CTNNA3: variants seen among roughly 807,000 people sequenced by gnomAD.
CTNNA3 encodes the protein catenin alpha-3.
CTNNA3 carries 76 observed loss-of-function variants against 95.7 expected under a neutral mutation model. That is an observed-to-expected ratio of 0.79 (90% CI 0.66 to 0.96). The LOEUF (loss-of-function observed/expected upper bound fraction) is 0.96. Among genes scored for constraint, CTNNA3 ranks in the 40% least tolerant of loss-of-function variants. CTNNA3 has a pLI of 0.00. For missense variants in CTNNA3, 1,191 were observed against 1,089.8 expected, an observed-to-expected ratio of 1.09 and a Z score of -1.31; for synonymous variants, 431 against 374.4, an observed-to-expected ratio of 1.15 and a Z score of -1.74.
intron 11 of CTNNA3, among the ~76,000 whole-genome samples, chr10:66,505,782 C>A (rs957153701): frequency 2.0e-5 from 3 of 152,090 alleles, no homozygotes; most frequent in Non-Finnish European, 4.4e-5. Context: ...GATTATTTAG[C>A]ACTACATCAC....
chr10:67,479,540 T>A (rs1466407956), intron 5 of CTNNA3, among the ~76,000 whole-genome samples: 2 of 152,034 alleles, frequency 1.3e-5, no homozygotes, highest in African/African-American at 2.4e-5. Flanking sequence ...AGTAAAAAAA[T>A]TATTTAATAA....
At chr10:66,477,382 A>G (rs2131891186) in intron 11 of CTNNA3, among the ~76,000 whole-genome samples, 1 of 152,214 alleles carries the variant, frequency 6.6e-6, no homozygotes, top group South Asian at 2.1e-4. Flanking sequence ...ATTGGACAGA[A>G]GGGGTTGTTT....
intron 3 of CTNNA3, among the ~76,000 whole-genome samples, chr10:67,552,984 G>GT (rs1564733867): frequency 2.6e-5 from 4 of 151,652 alleles, no homozygotes; most frequent in East Asian, 3.9e-4. Flanking sequence ...TTTTAACCCC[G>GT]TTTTTTTACC....
chr10:67,277,846 A>T (rs1399877076), intron 5 of CTNNA3, among the ~76,000 whole-genome samples: 1 of 152,194 alleles, frequency 6.6e-6, no homozygotes, highest in Non-Finnish European at 1.5e-5. Flanking sequence ...TGGTTTAAAA[A>T]GAGAAGGAAC....
chr10:67,172,014 T>G (rs1472783899), intron 7 of CTNNA3, among the ~76,000 whole-genome samples: 1 of 152,194 alleles, frequency 6.6e-6, no homozygotes, highest in Non-Finnish European at 1.5e-5. Flanking sequence ...CCTCTACTTT[T>G]CCTCCAAACT....
intron 9 of CTNNA3, among the ~76,000 whole-genome samples, chr10:66,745,002 G>A (rs1192496119): frequency 1.3e-5 from 2 of 152,148 alleles, no homozygotes; most frequent in Admixed American, 6.5e-5. Flanking sequence ...CTCTTTAAAA[G>A]CTAAGAGTCA....
intron 1 of CTNNA3, among the ~76,000 whole-genome samples, chr10:67,738,321 C>A (rs1841314666): frequency 6.6e-6 from 1 of 152,190 alleles, no homozygotes; most frequent in Admixed American, 6.5e-5. Flanking sequence ...TGGAGTGGGC[C>A]TCCAGCAAAC....
At chr10:66,710,124 T>C (rs544857792) in intron 9 of CTNNA3, among the ~76,000 whole-genome samples, 2 of 152,262 alleles carry the variant, frequency 1.3e-5, no homozygotes, top group African/African-American at 4.8e-5. Context: ...GATGTGAGAA[T>C]TGAGATCCAG....
chr10:66,650,725 GGCGGC>G (rs1845864619), intron 9 of CTNNA3, among the ~76,000 whole-genome samples: 2 of 152,032 alleles, frequency 1.3e-5, no homozygotes, highest in South Asian at 4.2e-4. Context: ...AGCTCTTAAA[GGCGGC>G]GCATCTGGAG....
At chr10:66,764,643 G>A (rs1018310678) in intron 9 of CTNNA3, among the ~76,000 whole-genome samples, 2 of 152,146 alleles carry the variant, frequency 1.3e-5, no homozygotes, top group African/African-American at 2.4e-5. Flanking sequence ...AATTTGGTGT[G>A]TCTTCAGCTT....
At chr10:66,477,118 T>C (rs926518205) in intron 11 of CTNNA3, among the ~76,000 whole-genome samples, 4 of 152,156 alleles carry the variant, frequency 2.6e-5, no homozygotes, top group African/African-American at 9.6e-5. Flanking sequence ...GACATTAATG[T>C]CAGTACTCTG....
chr10:67,635,079 G>C (rs942569003), intron 2 of CTNNA3, among the ~76,000 whole-genome samples: 1 of 151,712 alleles, frequency 6.6e-6, no homozygotes, highest in African/African-American at 2.4e-5. Context: ...AGAAGAAATG[G>C]ATAAACTCCT....
intron 9 of CTNNA3, among the ~76,000 whole-genome samples, chr10:66,699,686 A>G (rs1184680312): frequency 2.1e-5 from 3 of 142,432 alleles, no homozygotes; most frequent in African/African-American, 7.9e-5. Flanking sequence ...TTTGAGATGG[A>G]GTTTTGCTCT....
chr10:66,329,503 T>C (rs1270660150), intron 12 of CTNNA3, among the ~76,000 whole-genome samples: 1 of 151,746 alleles, frequency 6.6e-6, no homozygotes, highest in African/African-American at 2.4e-5. Flanking sequence ...TAATGGAGTA[T>C]AACATGCGGC....
chr10:67,726,691 A>T, intron 1 of CTNNA3, among the ~76,000 whole-genome samples: 2 of 60,008 alleles, frequency 3.3e-5, no homozygotes, highest in African/African-American at 6.2e-5. Context: ...TATATGATGT[A>T]TTATATATAA....
intron 14 of CTNNA3, among the ~76,000 whole-genome samples, chr10:66,087,937 C>T (rs1405310794): frequency 1.3e-5 from 2 of 152,016 alleles, no homozygotes; most frequent in African/African-American, 4.8e-5. Flanking sequence ...TTTCGTCTTA[C>T]AGTGGGCTTT....
At chr10:67,350,910 G>GTATA (rs3057678) in intron 5 of CTNNA3, among the ~76,000 whole-genome samples, 21,378 of 141,384 alleles carry the variant, frequency 0.15, 1,640 homozygotes, top group Non-Finnish European at 0.18. Flanking sequence ...AAAAGTATGT[G>GTATA]TATATATATA....
intron 16 of CTNNA3, among the ~76,000 whole-genome samples, chr10:65,975,911 CAATGAT>C (rs1158438260): frequency 2.0e-5 from 3 of 152,056 alleles, no homozygotes; most frequent in Non-Finnish European, 4.4e-5. Context: ...AGTATGGACA[CAATGAT>C]AATACCTGAC....
chr10:67,487,547 A>G (rs377265648), intron 5 of CTNNA3, among the ~76,000 whole-genome samples: 1 of 152,186 alleles, frequency 6.6e-6, no homozygotes, highest in African/African-American at 2.4e-5. Flanking sequence ...GCAATCAAGG[A>G]CTATTTTCAG....
Sources: gnomAD v4.1 joint callset for allele counts (sites outside exome capture counted in the v4.1 genomes callset) on GRCh38, gnomAD v4.1.1 for gene constraint, MANE v1.5 for transcripts, NCBI Gene and HGNC (gene_info 2026-07-23, HGNC 2026-07-21) for gene names.